The following ARHGAP28 variants were observed in gnomAD, a reference collection of about 807,000 sequenced individuals.
ARHGAP28 encodes the protein Rho GTPase activating protein 28.
A neutral mutation model predicts 90.7 loss-of-function variants in ARHGAP28; 56 were observed. The observed-to-expected ratio is 0.62, with a 90% CI of 0.50 to 0.77. The LOEUF is 0.77. Ranked by LOEUF, ARHGAP28 falls within the 30% of genes least tolerant of loss-of-function variation. The probability of loss-of-function intolerance (pLI) is 0.00; values close to 1 mark genes in which losing one functional copy is unlikely to be tolerated. For synonymous variants in ARHGAP28, 308 were observed against 323.3 expected, an observed-to-expected ratio of 0.95 and a Z score of 0.51; for missense variants, 869 against 900.9, an observed-to-expected ratio of 0.96 and a Z score of 0.45.
At position 6,859,840 on chromosome 18, in the gene ARHGAP28, G is replaced by A. The variant is rs1390326967; in HGVS notation, c.669G>A (p.Leu223=). 3 of 1,614,206 alleles carry A rather than the reference G, an allele frequency of 1.9e-6. No individual in the cohort carries two copies. Among genetic ancestry groups the A allele is most frequent in the Non-Finnish European group, 2.5e-6 (3 of 1,180,032 alleles). Residue 223 remains leucine, a synonymous_variant, in exon 5 of 18, where the codon CTG becomes CTA. Coordinates refer to ENST00000383472, the MANE Select transcript of ARHGAP28 (RefSeq NM_001366230.1). ...PDDASLNSTT[L]SDASQDKEGS... The stretch of plus-strand genomic sequence containing the variant: ...ATGCTTCTCTCAACAGTACTACCCT[G>A]TCTGACGCATCCCAGGATAAAGAAG...
At chr18:6,751,578 T>C (rs1473844157) in intron 1 of ARHGAP28, among the ~76,000 whole-genome samples, 1 of 152,168 alleles carries the variant, frequency 6.6e-6, no homozygotes, top group African/African-American at 2.4e-5. Context: ...TGGAAATTGA[T>C]ATTATTGGAG....
intron 16 of ARHGAP28, 37 bp downstream of exon 16, chr18:6,896,663 G>A: frequency 6.2e-7 from 1 of 1,608,320 alleles, no homozygotes; most frequent in Non-Finnish European, 8.5e-7. Flanking sequence ...GCACAAGAAG[G>A]AAAAACCTTT....
chr18:6,806,306 A>G (rs2056518701), intron 1 of ARHGAP28, among the ~76,000 whole-genome samples: 1 of 152,062 alleles, frequency 6.6e-6, no homozygotes, highest in South Asian at 2.1e-4. Context: ...CCTTTAAGCT[A>G]TGTATTATAA....
intron 1 of ARHGAP28, among the ~76,000 whole-genome samples, chr18:6,796,924 C>T (rs2056445839): frequency 6.6e-6 from 1 of 152,108 alleles, no homozygotes; most frequent in African/African-American, 2.4e-5. Context: ...AAATTAGAAG[C>T]AAACCTTAGC....
In ARHGAP28 at chr18:6,839,444, C is replaced by A. The variant is rs937138117; in HGVS notation, c.543+2030C>A. On this transcript the variant is annotated intron_variant, in intron 3 of 17. Coordinates refer to ENST00000383472, the MANE Select transcript of ARHGAP28 (RefSeq NM_001366230.1). ...GAGTAACTGGGACTATAGGCGCCAGCCACCACGCCTGGCTAATTTTGTTTT... is the reference window on the plus strand; with the variant it reads ...GAGTAACTGGGACTATAGGCGCCAGACACCACGCCTGGCTAATTTTGTTTT... Among the ~76,000 whole-genome samples the A allele has an allele frequency of 3.3e-5, 5 of 152,100 alleles. 1 individual carries two copies. The highest frequency in any genetic ancestry group is 3.3e-4 in the Admixed American group (5 of 15,272).
intron 17 of ARHGAP28, 66 bp downstream of exon 17, chr18:6,909,090 T>A: frequency 2.1e-6 from 2 of 947,560 alleles, no homozygotes; most frequent in Non-Finnish European, 3.3e-6. Flanking sequence ...TATGTTGCTA[T>A]AATCATAAAG....
At chr18:6,734,622 T>C (rs1009796932) in intron 1 of ARHGAP28, among the ~76,000 whole-genome samples, 7 of 152,188 alleles carry the variant, frequency 4.6e-5, no homozygotes, top group African/African-American at 1.4e-4. Context: ...AAAAACTAAA[T>C]TTAGCAACTT....
At chr18:6,885,801 T>TG (rs1181435830) in intron 11 of ARHGAP28, among the ~76,000 whole-genome samples, 2 of 96,540 alleles carry the variant, frequency 2.1e-5, no homozygotes, top group Non-Finnish European at 4.5e-5. Context: ...TCCCCAGAGT[T>TG]GTTTTTTTTT....
chr18:6,808,077 TCTGGTTCCTGTTACTCCATCTCGG>T (rs758606557), intron 1 of ARHGAP28, among the ~76,000 whole-genome samples: 43 of 152,184 alleles, frequency 2.8e-4, no homozygotes, highest in Non-Finnish European at 5.9e-4. Flanking sequence ...GGGAAGTGAG[TCTGGTTCCTGTTACTCCATCTCGG>T]CTGGAAGCTG....
At chr18:6,784,405 G>T (rs2056350515) in intron 1 of ARHGAP28, among the ~76,000 whole-genome samples, 1 of 152,106 alleles carries the variant, frequency 6.6e-6, no homozygotes, top group Non-Finnish European at 1.5e-5. Flanking sequence ...TACGCGTTCT[G>T]AATGTAATCG....
chr18:6,826,262 G>C (rs994749397), intron 2 of ARHGAP28, among the ~76,000 whole-genome samples: 1 of 151,660 alleles, frequency 6.6e-6, no homozygotes, highest in Non-Finnish European at 1.5e-5. Flanking sequence ...TTTGTTGTCT[G>C]TTTGTATGTC....
intron 10 of ARHGAP28, among the ~76,000 whole-genome samples, chr18:6,877,561 G>A (rs635064): frequency 0.48 from 73,584 of 152,054 alleles, 18,107 homozygotes; most frequent in Non-Finnish European, 0.52. Flanking sequence ...TCCGTGAAGC[G>A]AGGTCGGAGC....
chr18:6,891,316 A>ATT (rs1167823570), intron 14 of ARHGAP28, among the ~76,000 whole-genome samples: 68 of 144,294 alleles, frequency 4.7e-4, no homozygotes, highest in African/African-American at 1.6e-3. Context: ...TTGGAGCTAC[A>ATT]TTTTTTTTTT....
At chr18:6,834,294 T>C (rs949978793) in intron 2 of ARHGAP28, among the ~76,000 whole-genome samples, 1 of 152,060 alleles carries the variant, frequency 6.6e-6, no homozygotes, top group Non-Finnish European at 1.5e-5. Flanking sequence ...AGTGTTAGGA[T>C]TGATAGCAAT....
At chr18:6,826,654 C>G (rs1009352476) in intron 2 of ARHGAP28, among the ~76,000 whole-genome samples, 4 of 136,928 alleles carry the variant, frequency 2.9e-5, no homozygotes, top group African/African-American at 1.1e-4. Flanking sequence ...GGAAGCCCTT[C>G]TGCTTCCACT....
chr18:6,748,258 A>T (rs1349352691), intron 1 of ARHGAP28, among the ~76,000 whole-genome samples: 1 of 152,198 alleles, frequency 6.6e-6, no homozygotes, highest in African/African-American at 2.4e-5. Flanking sequence ...ATCAATACCT[A>T]TTCCGGGAAA....
chr18:6,756,242 G>A (rs531785956), intron 1 of ARHGAP28, among the ~76,000 whole-genome samples: 21 of 152,134 alleles, frequency 1.4e-4, no homozygotes, highest in African/African-American at 3.9e-4. Flanking sequence ...TTCTCAGGGC[G>A]CACTGTTCTT....
In ARHGAP28 at chr18:6,872,939, G is replaced by A. The variant is rs77006404; in HGVS notation, c.955-470G>A. Reference sequence around the variant, plus strand: ...GGGAGATTACTAAAAGTCTCTTAAAGTGTGCAGTATGGGATAGATAAACCT... The same window carrying A: ...GGGAGATTACTAAAAGTCTCTTAAAATGTGCAGTATGGGATAGATAAACCT... On this transcript the variant is annotated intron_variant, in intron 7 of 17. Transcript: ENST00000383472. 8.1e-3 allele frequency among the ~76,000 whole-genome samples: 1,235 copies of A among 152,212 alleles called. 15 individuals are homozygous for A. Among genetic ancestry groups the A allele is most frequent in the African/African-American group, 0.028 (1,153 of 41,516 alleles).
intron 1 of ARHGAP28, among the ~76,000 whole-genome samples, chr18:6,737,679 A>G (rs961178227): frequency 6.6e-6 from 1 of 152,272 alleles, no homozygotes; most frequent in South Asian, 2.1e-4. Flanking sequence ...TTCATAATGT[A>G]TCATTCTTTA....
Sources: gnomAD v4.1 joint callset for allele counts (sites outside exome capture counted in the v4.1 genomes callset) on GRCh38, gnomAD v4.1.1 for gene constraint, MANE v1.5 for transcripts, NCBI Gene and HGNC (gene_info 2026-07-23, HGNC 2026-07-21) for gene names.